Variants in TTC21B observed in about 807,000 individuals in gnomAD.
TTC21B encodes the protein tetratricopeptide repeat protein 21B.
In TTC21B, 127 loss-of-function variants were observed where a neutral mutation model predicts 175.1. The ratio of observed to expected loss-of-function variants is 0.73; its 90% CI spans 0.63 to 0.84. TTC21B has a LOEUF of 0.84. TTC21B is among the 40% of genes least tolerant of loss of function. The pLI, the probability that TTC21B is intolerant of heterozygous loss-of-function variation, is 0.00. For synonymous variants in TTC21B, 524 were observed against 524.5 expected (o/e 1.00, Z 0.01); for missense variants, 1,561 against 1,558.3 (o/e 1.00, Z -0.03).
At chr2:165,917,642 T>C (rs144586721) in intron 13 of TTC21B, among the ~76,000 whole-genome samples, 161 bp from the exon 14 acceptor site, 1 of 152,332 alleles carries the variant, frequency 6.6e-6, no homozygotes, top group East Asian at 1.9e-4. Flanking sequence ...TGATTATGTA[T>C]CACATTAAAT....
chr2:165,938,795 C>G (rs1405865825), intron 6 of TTC21B, among the ~76,000 whole-genome samples: 2 of 151,878 alleles, frequency 1.3e-5, no homozygotes, highest in African/African-American at 2.4e-5. Flanking sequence ...AAAGAACTCA[C>G]AGAGACAGGG....
At chr2:165,903,735 A>T (rs1392485923) in intron 19 of TTC21B, among the ~76,000 whole-genome samples, 1 of 152,238 alleles carries the variant, frequency 6.6e-6, no homozygotes, top group African/African-American at 2.4e-5. Flanking sequence ...ATTGCCAAAA[A>T]TGTTTAGCAA....
chr2:165,935,978 C>G (rs1223631390), intron 6 of TTC21B, among the ~76,000 whole-genome samples: 2 of 151,994 alleles, frequency 1.3e-5, no homozygotes, highest in African/African-American at 4.8e-5. Flanking sequence ...AAAGTTTATA[C>G]AGATTAGCAA....
chr2:165,940,967 G>C, intron 6 of TTC21B, 60 bp downstream of exon 6: 1 of 1,586,128 alleles, frequency 6.3e-7, no homozygotes, highest in African/African-American at 1.3e-5. Context: ...CACAGATGTC[G>C]CTTTTTCTCA....
chr2:165,930,244 T>C lies in TTC21B; in HGVS notation c.1015A>G (p.Arg339Gly), dbSNP rs1310687462. 1.9e-6 allele frequency: 3 copies of C among 1,613,384 alleles called. No individual in the cohort carries two copies. The highest frequency in any genetic ancestry group is 3.3e-5 in the Admixed American group (2 of 59,970). ...TACCACTTCAGTGCCTCTTTAACTC[T>C]TCCTTGTAAAATCATTTGGTATCCA... ...ELGYQMILQGRVKEALKWYKT... is the reference protein window; with the variant it reads ...ELGYQMILQGGVKEALKWYKT... Residue 339 changes from arginine to glycine, a missense_variant, in exon 9 of 29, where the codon AGA becomes GGA. Transcript: ENST00000243344.
intron 19 of TTC21B, among the ~76,000 whole-genome samples, chr2:165,902,611 T>A (rs948788233): frequency 2.0e-5 from 3 of 152,210 alleles, no homozygotes; most frequent in Non-Finnish European, 4.4e-5. Flanking sequence ...GTGGTTAACA[T>A]TAATACTGTC....
chr2:165,879,762 A>AT (rs145363511), intron 27 of TTC21B: 83 of 152,050 alleles, frequency 5.5e-4, no homozygotes, highest in African/African-American at 2.0e-3. Context: ...ATTCTTTTTA[A>AT]TTAAAAAAAA....
At chr2:165,906,969 A>G (rs1218315034) in intron 19 of TTC21B, among the ~76,000 whole-genome samples, 1 of 151,120 alleles carries the variant, frequency 6.6e-6, no homozygotes, top group East Asian at 1.9e-4. Flanking sequence ...AAAAAAAAAA[A>G]AAAAAAAAGA....
intron 28 of TTC21B, among the ~76,000 whole-genome samples, chr2:165,875,792 T>C (rs1299541082): frequency 2.0e-5 from 3 of 151,588 alleles, no homozygotes; most frequent in African/African-American, 7.2e-5. Flanking sequence ...TTATTTAACA[T>C]GTTTCTCCCA....
chr2:165,948,869 A>C (rs1687673739), intron 3 of TTC21B: 1 of 154,936 alleles, frequency 6.5e-6, no homozygotes, highest in African/African-American at 2.4e-5. Context: ...CACAACTTTA[A>C]TTGCTGGTTT....
intron 20 of TTC21B, among the ~76,000 whole-genome samples, chr2:165,900,789 ATTAT>A (rs1311052164): frequency 6.6e-6 from 1 of 152,108 alleles, no homozygotes; most frequent in African/African-American, 2.4e-5. Flanking sequence ...AAATTTGAAA[ATTAT>A]TTAAATTATT....
At chr2:165,882,448 A>G (rs192214197) in intron 26 of TTC21B, among the ~76,000 whole-genome samples, 2 of 152,282 alleles carry the variant, frequency 1.3e-5, no homozygotes, top group Non-Finnish European at 2.9e-5. Context: ...GTATTTCAAT[A>G]TATTGCAGTT....
intron 6 of TTC21B, among the ~76,000 whole-genome samples, chr2:165,935,804 A>T (rs942764036): frequency 6.6e-6 from 1 of 152,198 alleles, no homozygotes; most frequent in African/African-American, 2.4e-5. Flanking sequence ...AATTCTGACA[A>T]AAGAAATCAA....
In TTC21B at chr2:165,888,388, T is replaced by A. The variant is rs148631747; in HGVS notation, c.3350A>T (p.Gln1117Leu). 1 of 1,613,856 alleles carries A rather than the reference T, an allele frequency of 6.2e-7. No homozygotes were observed. Among genetic ancestry groups the A allele is most frequent in the Non-Finnish European group, 8.5e-7 (1 of 1,179,808 alleles). The part of the protein sequence containing the change: ...LLKELKPQTV[Q>L]GHVQLRIMEN... ...CATTATGCGAAGCTGTACGTGACCC[T>A]GAACAGTCTGAGGTTTTAGTTCCTT... Residue 1117 changes from glutamine (Q) to leucine (L), a missense_variant, in exon 25 of 29, where the codon CAG becomes CTG. Physicochemically the swap from Gln to Leu is moderately radical, Grantham distance 113. Coordinates refer to ENST00000243344, the MANE Select transcript of TTC21B (RefSeq NM_024753.5).
rs2105301455 is a variant in TTC21B, at chr2:165,898,509, AAC to A, written c.2950+175_2950+176del. ...CTCATAATTTAAAGTGAGACCAGTC[AAC>A]AGTGTTGCAATTTCCTTATAGCCAT... On this transcript the variant is annotated intron_variant, in intron 22 of 28. Coordinates refer to ENST00000243344, the MANE Select transcript of TTC21B (RefSeq NM_024753.5). 4.5e-6 allele frequency: 3 copies of A among 666,720 alleles called. No individual in the cohort carries two copies. In the South Asian group the frequency reaches 5.0e-5, roughly 11 times the overall value. 41.3% of individuals were successfully genotyped at this position (666,720 alleles called of 1,614,324 possible). A position where few individuals can be genotyped will look rare whatever the true frequency, so the allele number is the denominator to read the frequency against.
At chr2:165,918,956 T>C (rs1393573872) in intron 13 of TTC21B, among the ~76,000 whole-genome samples, 5 of 152,206 alleles carry the variant, frequency 3.3e-5, no homozygotes, top group African/African-American at 1.2e-4. Flanking sequence ...ATCATTTTTA[T>C]ATACCTTCAT....
In TTC21B at chr2:165,930,170, ACCAACTAGG is replaced by A; in HGVS notation, c.1080_1087+1del. Reference sequence around the variant, plus strand: ...AAATATTTATGAAAACAGTTGTCATACCAACTAGGGCAGACACACTAGTCTCATCAAGTG... The same window carrying A: ...AAATATTTATGAAAACAGTTGTCATAGCAGACACACTAGTCTCATCAAGTG... On this transcript the variant is annotated splice_donor_variant and coding_sequence_variant, in exon 9 of 29. Coordinates refer to ENST00000243344, the MANE Select transcript of TTC21B (RefSeq NM_024753.5). LOFTEE classifies it high-confidence loss of function. 6.2e-7 allele frequency: 1 copy of A among 1,611,206 alleles called. No homozygotes were observed. The highest frequency in any genetic ancestry group is 1.1e-5 in the South Asian group (1 of 90,922).
chr2:165,883,677 T>C, intron 26 of TTC21B, 117 bp downstream of exon 26: 1 of 831,994 alleles, frequency 1.2e-6, no homozygotes, highest in Non-Finnish European at 2.0e-6. Flanking sequence ...AGAATAAACA[T>C]TTAATTTTCA....
At chr2:165,925,780 T>C (rs1350133473) in intron 11 of TTC21B, among the ~76,000 whole-genome samples, 1 of 152,184 alleles carries the variant, frequency 6.6e-6, no homozygotes, top group Non-Finnish European at 1.5e-5. Flanking sequence ...CGGGTTTTTA[T>C]GTGTCTTGAA....
Sources: gnomAD v4.1 joint callset for allele counts (sites outside exome capture counted in the v4.1 genomes callset) on GRCh38, gnomAD v4.1.1 for gene constraint, MANE v1.5 for transcripts, NCBI Gene and HGNC (gene_info 2026-07-23, HGNC 2026-07-21) for gene names.